Variants in NRXN3 observed in about 807,000 individuals in gnomAD.
NRXN3 encodes neurexin 3, also known as neurexin III.
Under a neutral mutation model 137.6 loss-of-function variants are expected in NRXN3, and 32 were observed. The ratio of observed to expected loss-of-function variants is 0.23; its 90% CI spans 0.18 to 0.31. NRXN3 has a LOEUF of 0.31. NRXN3 is among the 10% of genes least tolerant of loss of function. NRXN3 has a pLI of 1.00. For synonymous variants in NRXN3, 798 were observed against 784.5 expected, an observed-to-expected ratio of 1.02 and a Z score of -0.29; for missense variants, 1,574 against 2,062.5, an observed-to-expected ratio of 0.76 and a Z score of 4.59.
intron 19 of NRXN3, among the ~76,000 whole-genome samples, chr14:79,786,458 G>A (rs938819309): frequency 6.6e-6 from 1 of 152,186 alleles, no homozygotes; most frequent in African/African-American, 2.4e-5. Context: ...ACTGTTTTAT[G>A]TGTAAGCATT....
intron 17 of NRXN3, among the ~76,000 whole-genome samples, chr14:79,677,683 A>G (rs1481506040): frequency 6.6e-6 from 1 of 152,184 alleles, no homozygotes; most frequent in Non-Finnish European, 1.5e-5. Flanking sequence ...AAGTAGGTCT[A>G]TAAAGGGAAT....
chr14:78,975,622 G>A (rs1185004845), intron 14 of NRXN3, among the ~76,000 whole-genome samples: 2 of 152,232 alleles, frequency 1.3e-5, no homozygotes, highest in East Asian at 3.9e-4. Flanking sequence ...TAGAAACAGA[G>A]AGCAGATTCA....
intron 19 of NRXN3, among the ~76,000 whole-genome samples, chr14:79,705,882 C>T (rs535511951): frequency 6.6e-6 from 1 of 152,244 alleles, no homozygotes; most frequent in South Asian, 2.1e-4. Context: ...ATTGTGAGTT[C>T]TAGGATGGCA....
At chr14:78,395,784 T>C (rs1453237931) in intron 4 of NRXN3, among the ~76,000 whole-genome samples, 1 of 152,032 alleles carries the variant, frequency 6.6e-6, no homozygotes, top group African/African-American at 2.4e-5. Flanking sequence ...GTCTAATGTA[T>C]TTGATATTAA....
intron 2 of NRXN3, among the ~76,000 whole-genome samples, chr14:78,253,799 G>GCC (rs1330215051): frequency 6.1e-5 from 4 of 65,992 alleles, no homozygotes; most frequent in Non-Finnish European, 1.3e-4. Context: ...CCCGTGCCCC[G>GCC]CCCCCCCGCC....
At chr14:78,870,958 A>G (rs1224272747) in intron 10 of NRXN3, among the ~76,000 whole-genome samples, 2 of 150,792 alleles carry the variant, frequency 1.3e-5, no homozygotes, top group Non-Finnish European at 3.0e-5. Context: ...TTATCCATTC[A>G]TCTACTGATG....
intron 16 of NRXN3, among the ~76,000 whole-genome samples, chr14:79,501,875 C>T (rs2096829561): frequency 6.6e-6 from 1 of 152,012 alleles, no homozygotes; most frequent in African/African-American, 2.4e-5. Context: ...TGGGGCTTCC[C>T]CTAGTTATAT....
chr14:79,097,998 A>G (rs2050648721), intron 15 of NRXN3, among the ~76,000 whole-genome samples: 1 of 152,178 alleles, frequency 6.6e-6, no homozygotes, highest in South Asian at 2.1e-4. Context: ...ACCCCAACAA[A>G]GTGTTTGTTA....
chr14:78,985,214 A>G (rs1282655912), intron 14 of NRXN3, among the ~76,000 whole-genome samples: 3 of 152,234 alleles, frequency 2.0e-5, no homozygotes, highest in Non-Finnish European at 4.4e-5. Flanking sequence ...GTTACAATTC[A>G]GATCACCCTA....
At chr14:79,389,492 T>G (rs2094765853) in intron 15 of NRXN3, among the ~76,000 whole-genome samples, 3 of 152,220 alleles carry the variant, frequency 2.0e-5, no homozygotes, top group Admixed American at 2.0e-4. Flanking sequence ...GGGATTAGGT[T>G]TCCAATACAT....
intron 4 of NRXN3, among the ~76,000 whole-genome samples, chr14:78,331,891 A>G (rs575286529): frequency 5.3e-5 from 8 of 152,322 alleles, no homozygotes; most frequent in Middle Eastern, 3.4e-3. Flanking sequence ...TTTACGGGCA[A>G]CCTTAAAACA....
At chr14:78,193,710 C>A (rs1018785146) in intron 1 of NRXN3, among the ~76,000 whole-genome samples, 1 of 144,124 alleles carries the variant, frequency 6.9e-6, no homozygotes, top group African/African-American at 2.6e-5. Flanking sequence ...TGTAGTGAGC[C>A]GAGATTGTGC....
At chr14:78,514,288 A>T (rs1385294721) in intron 4 of NRXN3, among the ~76,000 whole-genome samples, 1 of 152,158 alleles carries the variant, frequency 6.6e-6, no homozygotes, top group African/African-American at 2.4e-5. Flanking sequence ...AAAGAAAAAG[A>T]CACTTTGGGA....
intron 19 of NRXN3, among the ~76,000 whole-genome samples, chr14:79,802,120 C>T (rs900967356): frequency 7.3e-5 from 11 of 151,280 alleles, no homozygotes; most frequent in Admixed American, 4.0e-4. Flanking sequence ...AAAGATTCAA[C>T]TAATATTATG....
intron 15 of NRXN3, among the ~76,000 whole-genome samples, chr14:78,994,379 T>G (rs1447116511): frequency 2.0e-5 from 3 of 152,294 alleles, no homozygotes; most frequent in East Asian, 1.9e-4. Flanking sequence ...AGGCTATGCA[T>G]TTTTCAAGAT....
chr14:79,279,442 C>T, intron 15 of NRXN3: 1 of 986,178 alleles, frequency 1.0e-6, no homozygotes, highest in East Asian at 1.1e-4. Context: ...GCCTCTCGGC[C>T]ACCTCTGCAG....
intron 4 of NRXN3, among the ~76,000 whole-genome samples, chr14:78,594,039 A>G (rs545824900): frequency 5.3e-5 from 8 of 152,318 alleles, no homozygotes; most frequent in African/African-American, 1.9e-4. Flanking sequence ...CACCCAGAGC[A>G]TGCCCTCGGC....
intron 10 of NRXN3, among the ~76,000 whole-genome samples, chr14:78,833,022 G>T (rs763672320): frequency 2.0e-5 from 3 of 152,170 alleles, no homozygotes; most frequent in Admixed American, 6.5e-5. Context: ...TTGAAGATTT[G>T]TAACCTAGGG....
intron 19 of NRXN3, among the ~76,000 whole-genome samples, chr14:79,767,120 G>A (rs375902704): frequency 2.6e-5 from 4 of 152,190 alleles, no homozygotes; most frequent in South Asian, 4.1e-4. Context: ...TGCTCTTGGA[G>A]AAGACAAAAT....
Sources: allele counts gnomAD v4.1 joint callset (sites outside exome capture counted in the v4.1 genomes callset), GRCh38; gene constraint gnomAD v4.1.1; transcripts MANE v1.5; gene names NCBI Gene and HGNC (gene_info 2026-07-23, HGNC 2026-07-21).